SIGIRR: variants seen among roughly 807,000 people sequenced by gnomAD.
SIGIRR encodes the protein single Ig and TIR domain containing, also known as single Ig IL-1-related receptor.
A neutral mutation model predicts 45.6 loss-of-function variants in SIGIRR; 41 were observed. That is an observed-to-expected ratio of 0.90 (90% CI 0.70 to 1.17). The LOEUF is 1.17. Ranked by LOEUF, SIGIRR falls within the 50% of genes most tolerant of loss-of-function variation. The pLI, the probability that SIGIRR is intolerant of heterozygous loss-of-function variation, is 0.00. For missense variants in SIGIRR, 599 were observed against 539.6 expected (o/e 1.11, Z -1.09); for synonymous variants, 298 against 239.0 (o/e 1.25, Z -2.28).
In SIGIRR at chr11:409,890, C is replaced by G; in HGVS notation, c.-16G>C. On this transcript the variant is annotated 5_prime_UTR_variant, in exon 2 of 10. Transcript: ENST00000431843. ...TACCTGGCATGGCTCTGAGCCGGGG[C>G]CTCCTCGGGGCAGGCTGGGCTCCAG... 7.6e-7 allele frequency: 1 copy of G among 1,319,654 alleles called. No individual in the cohort carries two copies. Among genetic ancestry groups the G allele is most frequent in the East Asian group, 3.0e-5 (1 of 33,336 alleles). The allele number at this position is 1,319,654 out of a possible 1,614,324, so 81.7% of individuals were successfully genotyped here.
intron 1 of SIGIRR, among the ~76,000 whole-genome samples, chr11:412,120 A>G (rs912099427): frequency 8.4e-5 from 2 of 23,762 alleles, no homozygotes; most frequent in African/African-American, 1.6e-4. Context: ...ATGTCTGGAT[A>G]CAGTCGGGGG....
chr11:410,307 C>T (rs987072563), intron 1 of SIGIRR, among the ~76,000 whole-genome samples: 4 of 152,126 alleles, frequency 2.6e-5, no homozygotes, highest in Non-Finnish European at 5.9e-5. Context: ...GTGCAGTGGA[C>T]GAACACTAGG....
At position 406,485 on chromosome 11, in the gene SIGIRR, C is replaced by G; in HGVS notation, c.933G>C (p.Val311=). The change falls in exon 9 of 10, where the codon GTG becomes GTC. Residue 311 remains valine (V), a synonymous_variant. Coordinates refer to ENST00000431843, the MANE Select transcript of SIGIRR (RefSeq NM_001135054.2). The stretch of plus-strand genomic sequence containing the variant: ...GGTCTCCTTCCACAGGCCTGTACTG[C>G]ACCTTCCGCGGCAGCGCCAGCTGCA... The part of the protein sequence containing the change: ...KEVQLALPRK[V]QYRPVEGDPQ... 6.2e-7 allele frequency: 1 copy of G among 1,612,232 alleles called. No homozygotes were observed. The highest frequency in any genetic ancestry group is 1.3e-5 in the African/African-American group (1 of 75,062).
At chr11:415,505 A>G (rs1246966874), upstream of SIGIRR, among the ~76,000 whole-genome samples, 2 of 152,030 alleles carry the variant, frequency 1.3e-5, no homozygotes, top group Non-Finnish European at 2.9e-5. This position sits in a 1 kb window ranked among gnomAD's most constrained non-coding sequence, Gnocchi z 6.6. Context: ...TTGCTCCCCC[A>G]TGTGTCTTTG....
intron 7 of SIGIRR, 28 bp downstream of exon 7, chr11:407,034 G>A (rs112697331): frequency 6.3e-7 from 1 of 1,579,836 alleles, no homozygotes; most frequent in Non-Finnish European, 8.6e-7. Context: ...GCTACGCTGG[G>A]GCCCACCCAA....
Position 409,953 on chromosome 11 carries a change from A to G in SIGIRR, c.-79T>C. ...CTCCACCGGGCTCCTCGGCCAGCAG[A>G]CTGATCCAAGAGCTGGGCAGGACTC... On this transcript the variant is annotated 5_prime_UTR_variant, in exon 2 of 10. Coordinates refer to ENST00000431843, the MANE Select transcript of SIGIRR (RefSeq NM_001135054.2). The G allele has an allele frequency of 2.4e-6, 3 of 1,257,058 alleles. No homozygotes were observed. Among genetic ancestry groups the G allele is most frequent in the Non-Finnish European group, 3.0e-6 (3 of 996,508 alleles). The allele number at this position is 1,257,058 out of a possible 1,614,324, so 77.9% of individuals were successfully genotyped here. A position where few individuals can be genotyped will look rare whatever the true frequency, so the allele number is the denominator to read the frequency against.
intron 6 of SIGIRR, 89 bp from the exon 7 acceptor site, chr11:407,253 TAAGG>T (rs1463921049): frequency 3.7e-5 from 23 of 624,586 alleles, no homozygotes; most frequent in African/African-American, 8.0e-5. Context: ...CGCAGAGCTC[TAAGG>T]GAGGGGCGGG....
At chr11:406,322 T>C (rs1296801522) in intron 9 of SIGIRR, 27 bp downstream of exon 9, 5 of 1,608,906 alleles carry the variant, frequency 3.1e-6, no homozygotes, top group East Asian at 2.2e-5. Context: ...GCTTCTCCAG[T>C]TGGGGAGTGG....
rs1259256778 is a variant in SIGIRR, at chr11:406,998, G to C, written c.729-5C>G. 1 of 1,595,844 alleles carries C rather than the reference G, an allele frequency of 6.3e-7. No homozygotes were observed. The highest frequency in any genetic ancestry group is 2.3e-5 in the East Asian group (1 of 44,100). On this transcript the variant is annotated splice_region_variant and splice_polypyrimidine_tract_variant and intron_variant, in intron 7 of 9. Transcript: ENST00000431843. ...AGCAGCCGGCACAGGCCCTCCCTGC[G>C]GGGCGGGACCGTCAGGGGGGTGGGT...
Position 407,883 on chromosome 11 carries a change from A to G in SIGIRR, c.415T>C (p.Tyr139His), listed in dbSNP as rs775509544. ...AGCACGTTGAGACGGCACTTGACAT[A>G]GAGCAGGGCGGCCAGCAGCAGGGCC... ...LLALLLAALLYVKCRLNVLLW... is the reference protein window; with the variant it reads ...LLALLLAALLHVKCRLNVLLW... Residue 139 changes from tyrosine to histidine, a missense_variant, in exon 5 of 10, where the codon TAT becomes CAT. By Grantham distance (83) the Tyr-to-His change is moderately conservative. Coordinates refer to ENST00000431843, the MANE Select transcript of SIGIRR (RefSeq NM_001135054.2). 1 of 1,612,534 alleles carries G rather than the reference A, an allele frequency of 6.2e-7. No individual in the cohort carries two copies. Among genetic ancestry groups the G allele is most frequent in the South Asian group, 1.1e-5 (1 of 91,066 alleles).
chr11:409,783 G>T, intron 2 of SIGIRR, 85 bp downstream of exon 2: 1 of 1,337,774 alleles, frequency 7.5e-7, no homozygotes, highest in Non-Finnish European at 9.7e-7. Context: ...CCTGGGATAA[G>T]AGCAGGATGC....
Position 407,528 on chromosome 11 carries a change from G to A in SIGIRR, c.522C>T (p.Cys174=). ...AGTTCACGAACTTGCGGTCCTCGGG[G>A]CAGTCGCTGTAGGAGACGTAGGCGT... ...LYDAYVSYSD[C]PEDRKFVNFI... Residue 174 remains cysteine, a synonymous_variant, in exon 6 of 10, where the codon TGC becomes TGT. Transcript: ENST00000431843. The A allele has an allele frequency of 6.2e-7, 1 of 1,609,244 alleles. No homozygotes were observed. The highest frequency in any genetic ancestry group is 8.5e-7 in the Non-Finnish European group (1 of 1,178,420).
Position 406,565 on chromosome 11 carries a change from A to G in SIGIRR, c.880-27T>C. 1.9e-6 allele frequency: 3 copies of G among 1,586,476 alleles called. No homozygotes were observed. In the South Asian group the frequency reaches 3.4e-5, roughly 18 times the overall value. On this transcript the variant is annotated intron_variant, in intron 8 of 9. Coordinates refer to ENST00000431843, the MANE Select transcript of SIGIRR (RefSeq NM_001135054.2). ...TGGGGGCCAGGTCGGGGCGGTTTGC[A>G]GGTGTGAACACCTCGGAAGCCCCTG... is the stretch of plus-strand genomic sequence containing the variant.
chr11:415,612 A>C (rs1202934422), upstream of SIGIRR, among the ~76,000 whole-genome samples: 1 of 152,182 alleles, frequency 6.6e-6, no homozygotes, highest in Non-Finnish European at 1.5e-5. The surrounding 1 kb of genome is among the most constrained non-coding windows in gnomAD (Gnocchi z 6.6). Flanking sequence ...TCTCCCAGAC[A>C]TAGCTCCCCC....
chr11:412,170 G>T (rs563194785), intron 1 of SIGIRR, among the ~76,000 whole-genome samples: 214 of 14,926 alleles, frequency 0.014, 1 homozygote, highest in East Asian at 0.023. Flanking sequence ...ACAGTCGGGG[G>T]GGGGTGCCCA....
chr11:411,270 CGGG>C (rs59130977), intron 1 of SIGIRR, among the ~76,000 whole-genome samples: 4 of 240 alleles, frequency 0.017, no homozygotes, highest in African/African-American at 0.032. Context: ...TGGATACAGT[CGGG>C]GGGGGGGGGT....
intron 8 of SIGIRR, 84 bp downstream of exon 8, chr11:406,759 A>G: frequency 2.1e-6 from 3 of 1,439,730 alleles, no homozygotes; most frequent in Non-Finnish European, 2.7e-6. Context: ...AGAGCTCCCC[A>G]CGGAGGGGTC....
At position 407,484 on chromosome 11, in the gene SIGIRR, A is replaced by C. The variant is rs756432247; in HGVS notation, c.566T>G (p.Leu189Arg). 6.3e-7 allele frequency: 1 copy of C among 1,590,904 alleles called. No individual in the cohort carries two copies. Among genetic ancestry groups the C allele is most frequent in the Non-Finnish European group, 8.6e-7 (1 of 1,169,516 alleles). ...GAGCTTGTAGCCCCGACGCCGCTCCAGCTGCGGCTTTAGGATGAAGTTCAC... is the reference window on the plus strand; with the variant it reads ...GAGCTTGTAGCCCCGACGCCGCTCCCGCTGCGGCTTTAGGATGAAGTTCAC... ...KFVNFILKPQ[L>R]ERRRGYKLFL... Residue 189 changes from leucine (L) to arginine (R), a missense_variant, in exon 6 of 10, where the codon CTG (leucine) becomes CGG (arginine). Coordinates refer to ENST00000431843, the MANE Select transcript of SIGIRR (RefSeq NM_001135054.2).
At chr11:409,668 G>T (rs1480554439) in intron 2 of SIGIRR, 200 bp downstream of exon 2, 3 of 475,420 alleles carry the variant, frequency 6.3e-6, no homozygotes, top group Non-Finnish European at 1.1e-5. Context: ...GGCAGGAGAG[G>T]GTGCAGGGCT....
Sources: allele counts gnomAD v4.1 joint callset (sites outside exome capture counted in the v4.1 genomes callset), GRCh38; gene constraint gnomAD v4.1.1; non-coding constraint Gnocchi (gnomAD v3.1); transcripts MANE v1.5; gene names NCBI Gene and HGNC (gene_info 2026-07-23, HGNC 2026-07-21).